The following CLYBL variants were observed in gnomAD, a reference collection of about 807,000 sequenced individuals.
CLYBL encodes the protein citramalyl-CoA lyase, mitochondrial.
Under a neutral mutation model 38.9 loss-of-function variants are expected in CLYBL, and 31 were observed. The observed-to-expected ratio is 0.80, with a 90% CI of 0.60 to 1.08. The LOEUF (loss-of-function observed/expected upper bound fraction) is 1.08. Among genes scored for constraint, CLYBL ranks in the 50% least tolerant of loss-of-function variants. The pLI is 0.00. For missense variants in CLYBL, 434 were observed against 411.6 expected, an observed-to-expected ratio of 1.05 and a Z score of -0.47; for synonymous variants, 171 against 158.6, an observed-to-expected ratio of 1.08 and a Z score of -0.59.
intron 1 of CLYBL, among the ~76,000 whole-genome samples, chr13:99,743,673 A>C (rs968097255): frequency 1.6e-4 from 25 of 152,204 alleles, no homozygotes; most frequent in Non-Finnish European, 1.0e-4. Flanking sequence ...CTCTGTGGTG[A>C]GCTCTCTTGG....
chr13:99,903,135 T>C (rs2052659406), intron 8 of CLYBL, among the ~76,000 whole-genome samples: 1 of 152,182 alleles, frequency 6.6e-6, no homozygotes, highest in Non-Finnish European at 1.5e-5. Flanking sequence ...CTCGATTTCA[T>C]AACAAGAAAA....
At chr13:99,805,890 T>G (rs2050222739) in intron 2 of CLYBL, among the ~76,000 whole-genome samples, 1 of 152,230 alleles carries the variant, frequency 6.6e-6, no homozygotes, top group African/African-American at 2.4e-5. Flanking sequence ...TGTTGTCATT[T>G]CATTTTCTAC....
intron 2 of CLYBL, among the ~76,000 whole-genome samples, chr13:99,798,108 G>T (rs533119906): frequency 6.6e-6 from 1 of 152,168 alleles, no homozygotes; most frequent in South Asian, 2.1e-4. Flanking sequence ...GAGTTTCTCT[G>T]TTCCCATCTG....
intron 1 of CLYBL, among the ~76,000 whole-genome samples, chr13:99,616,258 C>T (rs2046708918): frequency 6.6e-6 from 1 of 151,290 alleles, no homozygotes; most frequent in African/African-American, 2.4e-5. Context: ...ATCCTGGGCA[C>T]CAGTAGCGCT....
intron 1 of CLYBL, among the ~76,000 whole-genome samples, chr13:99,761,197 C>T (rs1196518621): frequency 6.6e-6 from 1 of 151,940 alleles, no homozygotes; most frequent in Non-Finnish European, 1.5e-5. Context: ...ACTAAAAATA[C>T]AAAAAATTAG....
chr13:99,853,790 A>G (rs2051389881), intron 2 of CLYBL, among the ~76,000 whole-genome samples: 1 of 152,250 alleles, frequency 6.6e-6, no homozygotes, highest in Non-Finnish European at 1.5e-5. Flanking sequence ...CAAATTGATA[A>G]AAAGTTATAT....
intron 1 of CLYBL, among the ~76,000 whole-genome samples, chr13:99,622,984 C>G (rs758982537): frequency 6.6e-6 from 1 of 152,098 alleles, no homozygotes; most frequent in Non-Finnish European, 1.5e-5. Context: ...AGGCACCCAC[C>G]ACCACACCTG....
chr13:99,683,059 T>TTATA (rs369963152), intron 1 of CLYBL, among the ~76,000 whole-genome samples: 2,477 of 149,484 alleles, frequency 0.017, 52 homozygotes, highest in African/African-American at 0.058. Flanking sequence ...TTTATAAACT[T>TTATA]TATATATATA....
At chr13:99,645,512 A>AAG (rs1055046391) in intron 1 of CLYBL, among the ~76,000 whole-genome samples, 2 of 151,682 alleles carry the variant, frequency 1.3e-5, no homozygotes, top group African/African-American at 4.8e-5. Flanking sequence ...AAAAAAAAAA[A>AAG]AAAAGTCATT....
At chr13:99,894,001 TCATGAGA>T (rs902214221), downstream of CLYBL, 5 of 152,372 alleles carry the variant, frequency 3.3e-5, no homozygotes, top group Admixed American at 1.3e-4. Flanking sequence ...TAGGGTAGGA[TCATGAGA>T]CTAAGACCTA....
chr13:99,698,900 T>G (rs2048019182), intron 1 of CLYBL, among the ~76,000 whole-genome samples: 2 of 152,224 alleles, frequency 1.3e-5, no homozygotes, highest in African/African-American at 2.4e-5. Context: ...CTGTTGCTGT[T>G]GACAAGGTTC....
intron 3 of CLYBL, among the ~76,000 whole-genome samples, chr13:99,861,263 A>G (rs1185533885): frequency 6.6e-6 from 1 of 152,160 alleles, no homozygotes; most frequent in Non-Finnish European, 1.5e-5. Flanking sequence ...ATGGGCTAGA[A>G]TATTTAATTT....
At chr13:99,608,562 C>T (rs1429879541) in intron 1 of CLYBL, among the ~76,000 whole-genome samples, 1 of 152,130 alleles carries the variant, frequency 6.6e-6, no homozygotes, top group African/African-American at 2.4e-5. Context: ...GGGTCCTTTT[C>T]TGGCGCCTTT....
intron 2 of CLYBL, among the ~76,000 whole-genome samples, chr13:99,832,540 G>A (rs866224840): frequency 2.0e-5 from 3 of 152,254 alleles, no homozygotes; most frequent in Middle Eastern, 3.4e-3. Flanking sequence ...GACTGGGTGT[G>A]GGGTTGAACC....
At chr13:99,817,783 G>T (rs1020160112) in intron 2 of CLYBL, among the ~76,000 whole-genome samples, 3 of 152,022 alleles carry the variant, frequency 2.0e-5, no homozygotes, top group Non-Finnish European at 1.5e-5. Context: ...CAGGAGGATT[G>T]CTTGAACCCA....
intron 1 of CLYBL, among the ~76,000 whole-genome samples, chr13:99,718,385 A>C (rs1010303890): frequency 1.3e-5 from 2 of 152,102 alleles, no homozygotes; most frequent in Admixed American, 6.6e-5. Flanking sequence ...AAAAAAAAAA[A>C]AAAACCTAGA....
intron 1 of CLYBL, among the ~76,000 whole-genome samples, chr13:99,702,814 C>T (rs2048089103): frequency 6.6e-6 from 1 of 152,170 alleles, no homozygotes; most frequent in Non-Finnish European, 1.5e-5. Context: ...CTGTGGTCAC[C>T]TGCACATGCC....
intron 1 of CLYBL, among the ~76,000 whole-genome samples, chr13:99,703,431 G>A (rs111280469): frequency 6.6e-5 from 10 of 152,122 alleles, no homozygotes; most frequent in African/African-American, 2.2e-4. Context: ...GTGCAGTGGC[G>A]CGATCTCGGC....
chr13:99,754,957 G>T (rs2049033495), intron 1 of CLYBL, among the ~76,000 whole-genome samples: 1 of 151,294 alleles, frequency 6.6e-6, no homozygotes, highest in African/African-American at 2.4e-5. Flanking sequence ...AAGTGCAGTG[G>T]CGCAATCTCG....
Sources: gnomAD v4.1 joint callset for allele counts (sites outside exome capture counted in the v4.1 genomes callset) on GRCh38, gnomAD v4.1.1 for gene constraint, MANE v1.5 for transcripts, NCBI Gene and HGNC (gene_info 2026-07-23, HGNC 2026-07-21) for gene names.